PCYT1B: variants seen among roughly 807,000 people sequenced by gnomAD.
PCYT1B encodes the protein phosphate cytidylyltransferase 1B, choline, also known as choline-phosphate cytidylyltransferase B.
PCYT1B carries 10 observed loss-of-function variants against 26.4 expected under a neutral mutation model. The ratio of observed to expected loss-of-function variants is 0.38; its 90% confidence interval spans 0.23 to 0.64. PCYT1B has a LOEUF of 0.64. Ranked by LOEUF, PCYT1B falls within the 30% of genes least tolerant of loss-of-function variation. PCYT1B has a pLI of 0.56. For missense variants in PCYT1B, 161 were observed against 292.7 expected, an observed-to-expected ratio of 0.55 and a Z score of 3.28; for synonymous variants, 131 against 108.4, an observed-to-expected ratio of 1.21 and a Z score of -1.29.
intron 3 of PCYT1B, among the ~76,000 whole-genome samples, chrX:24,605,947 G>C (rs1248790206): frequency 9.3e-6 from 1 of 108,064 alleles, no homozygotes; most frequent in Non-Finnish European, 1.9e-5. Context: ...CCAGCTACTT[G>C]GGAGGCTGAG....
At chrX:24,647,426 C>T (rs1277040250), upstream of PCYT1B, 2 of 249,727 alleles carry the variant, frequency 8.0e-6, no homozygotes, top group Non-Finnish European at 1.1e-5. Context: ...TACCACTCCG[C>T]CGGGAAGCGG....
chrX:24,618,914 C>T (rs927208560), intron 2 of PCYT1B, 71 bp downstream of exon 2: 29 of 686,840 alleles, frequency 4.2e-5, no homozygotes, highest in Admixed American at 2.8e-4. Context: ...TGAGCCACCA[C>T]GCCCGGCCCC....
chrX:24,670,880 G>A (rs1195894165), intron 1 of PCYT1B, among the ~76,000 whole-genome samples: 1 of 111,609 alleles, frequency 9.0e-6, no homozygotes, highest in Non-Finnish European at 1.9e-5. Flanking sequence ...TCAGAATACG[G>A]AGTGATATTT....
At position 24,589,995 on chromosome X, in the gene PCYT1B, T is replaced by G. The variant is rs755031537; in HGVS notation, c.486+28A>C. On this transcript the variant is annotated intron_variant, in intron 4 of 7. Coordinates refer to ENST00000379144, the MANE Select transcript of PCYT1B (RefSeq NM_004845.5). The stretch of plus-strand genomic sequence containing the variant: ...GAACCAGACTCCCTAATCTTGCTAC[T>G]TAGAGAATGTGGGAGAATGAGAAGT... The G allele has an allele frequency of 8.6e-6, 10 of 1,165,000 alleles. No individual in the cohort carries two copies. In the Admixed American group the frequency reaches 2.3e-4, roughly 26 times the overall value.
chrX:24,645,123 C>T (rs1055644354), intron 1 of PCYT1B, among the ~76,000 whole-genome samples: 1 of 110,564 alleles, frequency 9.0e-6, no homozygotes, highest in African/African-American at 3.3e-5. Flanking sequence ...TGCCCATCTC[C>T]CTCAGGCAGA....
intron 2 of PCYT1B, among the ~76,000 whole-genome samples, chrX:24,615,532 T>C (rs1925460500): frequency 2.8e-5 from 3 of 109,066 alleles, no homozygotes; most frequent in African/African-American, 6.7e-5. Flanking sequence ...CGGCTCGATC[T>C]CAGCTCACTG....
At chrX:24,571,388 A>T (rs996280900) in intron 7 of PCYT1B, among the ~76,000 whole-genome samples, 2 of 111,359 alleles carry the variant, frequency 1.8e-5, no homozygotes. Flanking sequence ...AAATAAATAA[A>T]AATAAATAAG....
chrX:24,670,113 A>AAAGAAAGAAAGAAAGGAAGGAAGGAAGG (rs1602218930), intron 1 of PCYT1B, among the ~76,000 whole-genome samples: 1 of 23,590 alleles, frequency 4.2e-5, no homozygotes, highest in African/African-American at 1.6e-4. Context: ...AGAAAGAAAG[A>AAAGAAAGAAAGAAAGGAAGGAAGGAAGG]AAGGAAGGAA....
intron 2 of PCYT1B, among the ~76,000 whole-genome samples, chrX:24,617,637 G>A (rs1465432695): frequency 2.8e-5 from 3 of 108,613 alleles, no homozygotes; most frequent in South Asian, 4.1e-4. Flanking sequence ...TAGTAGAGAC[G>A]GGATTTCACC....
chrX:24,576,556 C>T (rs775508102), intron 6 of PCYT1B, among the ~76,000 whole-genome samples: 1 of 111,539 alleles, frequency 9.0e-6, no homozygotes, highest in Non-Finnish European at 1.9e-5. Context: ...CCACTCGCCT[C>T]GGCCTTCCAA....
At chrX:24,562,606 C>T (rs999793575) in intron 7 of PCYT1B, 101 bp from the exon 8 acceptor site, 2 of 676,293 alleles carry the variant, frequency 3.0e-6, no homozygotes, top group Middle Eastern at 8.2e-4. Flanking sequence ...CCCCAAAACT[C>T]CTGAGCCCAC....
chrX:24,579,187 A>AC (rs1491524429), intron 6 of PCYT1B, 129 bp downstream of exon 6: 7 of 274,740 alleles, frequency 2.5e-5, no homozygotes, highest in African/African-American at 1.1e-4. Context: ...ATCTCTACAC[A>AC]AAAAAAAAAA....
At chrX:24,646,124 C>CA (rs1221212414) in intron 1 of PCYT1B, among the ~76,000 whole-genome samples, 1 of 111,708 alleles carries the variant, frequency 9.0e-6, no homozygotes, top group Non-Finnish European at 1.9e-5. Context: ...CCAAGTTCCA[C>CA]AAGACTTCGG....
In PCYT1B at chrX:24,622,254, A is replaced by C. The variant is rs1390869692; in HGVS notation, c.118-3170T>G. On this transcript the variant is annotated intron_variant, in intron 1 of 7. Transcript: ENST00000379144. ...CTTGAGTTGATCAAGCTCTGCATTC[A>C]GGAAGACTTTGGTTAAGGCCCAGCT... 3.6e-5 allele frequency among the ~76,000 whole-genome samples: 4 copies of C among 112,197 alleles called. No homozygotes were observed. In the Admixed American group the frequency reaches 3.8e-4, roughly 11 times the overall value.
intron 1 of PCYT1B, among the ~76,000 whole-genome samples, chrX:24,671,490 G>A (rs891725850): frequency 2.7e-5 from 3 of 111,272 alleles, no homozygotes; most frequent in South Asian, 3.8e-4. Flanking sequence ...CCAACTGGGC[G>A]AAATGATCAA....
At chrX:24,618,712 G>A (rs1247958118) in intron 2 of PCYT1B, among the ~76,000 whole-genome samples, 1 of 109,300 alleles carries the variant, frequency 9.1e-6, no homozygotes, top group Non-Finnish European at 1.9e-5. Context: ...CCACCTCCCG[G>A]GTTCAAGCAG....
intron 2 of PCYT1B, among the ~76,000 whole-genome samples, chrX:24,614,781 G>A (rs1277444019): frequency 1.8e-5 from 2 of 111,748 alleles, no homozygotes; most frequent in Admixed American, 1.9e-4. Flanking sequence ...TTCTTAAATG[G>A]TAATCAAACA....
chrX:24,563,985 C>A (rs1039682376), intron 7 of PCYT1B, among the ~76,000 whole-genome samples: 3 of 110,820 alleles, frequency 2.7e-5, no homozygotes, highest in African/African-American at 9.8e-5. Context: ...AGATCGAGAC[C>A]ATCCTGGCCA....
intron 2 of PCYT1B, among the ~76,000 whole-genome samples, chrX:24,615,905 C>A (rs192890206): frequency 9.0e-6 from 1 of 111,621 alleles, no homozygotes. Context: ...TAAGGCAGAT[C>A]GTTGCAGTAG....
Sources: gnomAD v4.1 joint callset for allele counts (sites outside exome capture counted in the v4.1 genomes callset) on GRCh38, gnomAD v4.1.1 for gene constraint, MANE v1.5 for transcripts, NCBI Gene and HGNC (gene_info 2026-07-23, HGNC 2026-07-21) for gene names.